DPYD: variants seen among roughly 807,000 people sequenced by gnomAD.
DPYD encodes the protein dihydropyrimidine dehydrogenase.
In DPYD, 109 loss-of-function variants were observed where a neutral mutation model predicts 116.2. The observed-to-expected ratio is 0.94, with a 90% CI of 0.80 to 1.10. DPYD has a LOEUF of 1.10. Ranked by LOEUF, DPYD falls within the 50% of genes least tolerant of loss-of-function variation. DPYD has a pLI of 0.00. For synonymous variants in DPYD, 440 were observed against 432.0 expected, an observed-to-expected ratio of 1.02 and a Z score of -0.23; for missense variants, 1,302 against 1,254.5, an observed-to-expected ratio of 1.04 and a Z score of -0.57.
At chr1:97,524,089 A>G (rs1356113431) in intron 12 of DPYD, among the ~76,000 whole-genome samples, 1 of 152,192 alleles carries the variant, frequency 6.6e-6, no homozygotes, top group Non-Finnish European at 1.5e-5. Flanking sequence ...CCAAGGGTTG[A>G]AGTTTTAAAA....
intron 3 of DPYD, among the ~76,000 whole-genome samples, chr1:97,808,363 GGT>G (rs1227185106): frequency 6.6e-6 from 1 of 151,628 alleles, no homozygotes; most frequent in Non-Finnish European, 1.5e-5. Flanking sequence ...TTCCTTTTTT[GGT>G]GCTAATTTAA....
intron 13 of DPYD, among the ~76,000 whole-genome samples, chr1:97,504,337 C>T (rs574213337): frequency 3.9e-5 from 6 of 152,082 alleles, no homozygotes; most frequent in African/African-American, 1.4e-4. Flanking sequence ...TGTACAGCAA[C>T]TAGCCTATAT....
At chr1:97,839,541 C>A (rs1351552459) in intron 2 of DPYD, among the ~76,000 whole-genome samples, 2 of 151,962 alleles carry the variant, frequency 1.3e-5, no homozygotes, top group Admixed American at 1.3e-4. Context: ...GGATCTACCA[C>A]CAGGTCAATA....
chr1:97,478,836 G>A (rs1037361746), intron 13 of DPYD, among the ~76,000 whole-genome samples: 2 of 152,108 alleles, frequency 1.3e-5, no homozygotes, highest in Admixed American at 6.6e-5. Context: ...TAGCTGGATC[G>A]GGATAGCTCA....
chr1:97,821,292 A>G (rs1668915046), intron 3 of DPYD, among the ~76,000 whole-genome samples: 1 of 146,438 alleles, frequency 6.8e-6, no homozygotes, highest in Non-Finnish European at 1.5e-5. Context: ...GACCGCAACA[A>G]TGCACTCCAG....
Position 97,573,849 on chromosome 1 carries a change from C to T in DPYD, c.1250G>A (p.Gly417Glu), listed in dbSNP as rs2102183353. ...CTGATCTTCATCTTCATTCCATTTT[C>T]CAGTTTCATCTTGCTCTGTCCGAAC... ...QFVRTEQDET[G>E]KWNEDEDQMV... The change falls in exon 11 of 23, where the codon GGA becomes GAA. Residue 417 changes from glycine (G) to glutamate (E), a missense_variant. By Grantham distance (98) the Gly-to-Glu change is moderately conservative. Coordinates refer to ENST00000370192, the MANE Select transcript of DPYD (RefSeq NM_000110.4). 1.2e-6 allele frequency: 2 copies of T among 1,613,714 alleles called. No homozygotes were observed. The highest frequency in any genetic ancestry group is 1.7e-6 in the Non-Finnish European group (2 of 1,179,702).
chr1:97,137,995 C>G (rs1387317518), intron 20 of DPYD, among the ~76,000 whole-genome samples: 1 of 152,166 alleles, frequency 6.6e-6, no homozygotes, highest in Non-Finnish European at 1.5e-5. Flanking sequence ...AAGTACACAT[C>G]CCTAATCCAA....
chr1:97,198,452 A>C (rs1380549535), intron 19 of DPYD, among the ~76,000 whole-genome samples: 2 of 152,230 alleles, frequency 1.3e-5, no homozygotes, highest in African/African-American at 4.8e-5. Flanking sequence ...AATAAAACTT[A>C]GGATGCAAGT....
intron 20 of DPYD, among the ~76,000 whole-genome samples, chr1:97,160,504 A>C (rs1163107567): frequency 6.6e-6 from 1 of 152,110 alleles, no homozygotes; most frequent in Non-Finnish European, 1.5e-5. Flanking sequence ...TTTGAAGGCC[A>C]AGTAAGGGGG....
chr1:97,466,903 T>C lies in DPYD; in HGVS notation c.1741-16680A>G, dbSNP rs563525607. Reference sequence around the variant, plus strand: ...CTAACATTTTACAGAAAACAGGTTATTGAGATAGAGAAAGAACCCCCTTTA... The same window carrying C: ...CTAACATTTTACAGAAAACAGGTTACTGAGATAGAGAAAGAACCCCCTTTA... On this transcript the variant is annotated intron_variant, in intron 13 of 22. Coordinates refer to ENST00000370192, the MANE Select transcript of DPYD (RefSeq NM_000110.4). 5.3e-4 allele frequency among the ~76,000 whole-genome samples: 80 copies of C among 152,206 alleles called. 1 individual carries two copies. Among genetic ancestry groups the C allele is most frequent in the African/African-American group, 1.7e-3 (71 of 41,542 alleles).
At chr1:97,451,149 A>G (rs1187954511) in intron 13 of DPYD, among the ~76,000 whole-genome samples, 1 of 152,158 alleles carries the variant, frequency 6.6e-6, no homozygotes, top group East Asian at 1.9e-4. Context: ...GTCAATTTAC[A>G]TATTTTAATT....
intron 1 of DPYD, among the ~76,000 whole-genome samples, chr1:97,906,222 G>A (rs1673610691): frequency 6.6e-6 from 1 of 151,966 alleles, no homozygotes; most frequent in Admixed American, 6.6e-5. Flanking sequence ...AAGGGAAACT[G>A]TAACAAAACT....
At chr1:97,835,965 T>C (rs563625031) in intron 2 of DPYD, among the ~76,000 whole-genome samples, 17 of 152,222 alleles carry the variant, frequency 1.1e-4, no homozygotes, top group African/African-American at 3.1e-4. Context: ...ACTAAATTAA[T>C]TACCACCACA....
At chr1:97,266,577 C>T (rs532564354) in intron 18 of DPYD, among the ~76,000 whole-genome samples, 85 of 152,082 alleles carry the variant, frequency 5.6e-4, no homozygotes, top group Non-Finnish European at 6.8e-4. Context: ...ATGTGCACAA[C>T]GGGCAGGTTT....
At chr1:97,302,793 A>G (rs1311900713) in intron 18 of DPYD, among the ~76,000 whole-genome samples, 1 of 152,064 alleles carries the variant, frequency 6.6e-6, no homozygotes, top group Admixed American at 6.6e-5. Flanking sequence ...TATGCAAAGC[A>G]TTCTGACATT....
At chr1:97,589,965 C>G (rs1188569777) in intron 10 of DPYD, among the ~76,000 whole-genome samples, 1 of 152,110 alleles carries the variant, frequency 6.6e-6, no homozygotes, top group Non-Finnish European at 1.5e-5. Flanking sequence ...GAAATTAGGG[C>G]CAATATTAAA....
chr1:97,235,127 T>C (rs905306829), intron 18 of DPYD, 133 bp from the exon 19 acceptor site: 1 of 975,994 alleles, frequency 1.0e-6, no homozygotes, highest in East Asian at 2.5e-5. Flanking sequence ...CTGTTTAAGA[T>C]GTATATACAT....
chr1:97,222,165 C>A lies in DPYD; in HGVS notation c.2442+12687G>T, dbSNP rs761371330. Among the ~76,000 whole-genome samples, 354 of 152,250 alleles carry A rather than the reference C, an allele frequency of 2.3e-3. 2 individuals are homozygous for A. The highest frequency in any genetic ancestry group is 4.2e-3 in the Non-Finnish European group (285 of 67,950). On this transcript the variant is annotated intron_variant, in intron 19 of 22. Transcript: ENST00000370192. Reference sequence around the variant, plus strand: ...AAGACTTTGGTCAAGCATATGAAGACTCTTTGAAAAAGAAGTCAGACCGTT... The same window carrying A: ...AAGACTTTGGTCAAGCATATGAAGAATCTTTGAAAAAGAAGTCAGACCGTT...
At chr1:97,259,958 T>C (rs1344300635) in intron 18 of DPYD, among the ~76,000 whole-genome samples, 1 of 152,100 alleles carries the variant, frequency 6.6e-6, no homozygotes, top group East Asian at 1.9e-4. Flanking sequence ...CACTTTATAG[T>C]TGAATGGCAT....
Sources: allele counts gnomAD v4.1 joint callset (sites outside exome capture counted in the v4.1 genomes callset), GRCh38; gene constraint gnomAD v4.1.1; transcripts MANE v1.5; gene names NCBI Gene and HGNC (gene_info 2026-07-23, HGNC 2026-07-21).